The following CSGALNACT1 variants were observed in gnomAD, a reference collection of about 807,000 sequenced individuals.
CSGALNACT1 encodes chondroitin sulfate N-acetylgalactosaminyltransferase 1.
CSGALNACT1 carries 52 observed loss-of-function variants against 51.0 expected under a neutral mutation model. That is an observed-to-expected ratio of 1.02 (90% confidence interval 0.82 to 1.29). The LOEUF (loss-of-function observed/expected upper bound fraction) is 1.29, where lower values mean the gene tolerates loss of function less well. Ranked by LOEUF, CSGALNACT1 falls within the 50% of genes most tolerant of loss-of-function variation. The pLI is 0.00. For synonymous variants in CSGALNACT1, 341 were observed against 254.4 expected (o/e 1.34, Z -3.24); for missense variants, 935 against 679.2 (o/e 1.38, Z -4.19).
rs183668741 is a variant in CSGALNACT1 at position 19,555,218 on chromosome 8, G to A, written c.-297+35942C>T. 4.4e-3 allele frequency among the ~76,000 whole-genome samples: 663 copies of A among 152,058 alleles called. 4 individuals carry two copies. Among genetic ancestry groups the A allele is most frequent in the African/African-American group, 0.015 (641 of 41,464 alleles). ...CGCGCCATTGCACTCCAGCCTGGGT[G>A]ACAGAGCAAGACTCTGTTTCAAAAA... On this transcript the variant is annotated intron_variant, in intron 3 of 9. Coordinates refer to ENST00000454498, the Ensembl canonical transcript of CSGALNACT1.
intron 3 of CSGALNACT1, among the ~76,000 whole-genome samples, chr8:19,542,102 G>T (rs1293197963): frequency 2.0e-5 from 3 of 152,038 alleles, no homozygotes; most frequent in African/African-American, 7.2e-5. Context: ...AAGAATAAAT[G>T]ACAAGGAATT....
chr8:19,509,224 G>A (rs2077964184), intron 3 of CSGALNACT1, among the ~76,000 whole-genome samples: 1 of 152,166 alleles, frequency 6.6e-6, no homozygotes, highest in Non-Finnish European at 1.5e-5. Context: ...AAGAGGCTGG[G>A]AGTATCTGCT....
intron 5 of CSGALNACT1, among the ~76,000 whole-genome samples, chr8:19,440,341 C>A (rs984429996): frequency 6.6e-6 from 1 of 152,062 alleles, no homozygotes; most frequent in African/African-American, 2.4e-5. Context: ...AAACCGAATT[C>A]AGCAGCACAT....
intron 1 of CSGALNACT1, among the ~76,000 whole-genome samples, chr8:19,625,585 AG>A (rs1479193119): frequency 6.6e-6 from 1 of 152,224 alleles, no homozygotes; most frequent in African/African-American, 2.4e-5. Flanking sequence ...TAGAATATCC[AG>A]GGCTGGAGTA....
chr8:19,755,860 G>C (rs2065339897), intron 1 of CSGALNACT1, among the ~76,000 whole-genome samples: 1 of 152,188 alleles, frequency 6.6e-6, no homozygotes, highest in Admixed American at 6.5e-5. Context: ...AGTACATATG[G>C]TGTGGCAGCT....
At chr8:19,606,588 T>A (rs997832175), upstream of CSGALNACT1, among the ~76,000 whole-genome samples, 13 of 152,216 alleles carry the variant, frequency 8.5e-5, no homozygotes, top group African/African-American at 2.4e-4. Flanking sequence ...TGTTATTTTG[T>A]CAAATGAAAA....
chr8:19,467,006 T>G (rs7819875), intron 4 of CSGALNACT1, among the ~76,000 whole-genome samples: 1 of 151,950 alleles, frequency 6.6e-6, no homozygotes, highest in African/African-American at 2.4e-5. Flanking sequence ...GTTTATGTCA[T>G]AGATGCAGGC....
intron 1 of CSGALNACT1, among the ~76,000 whole-genome samples, chr8:19,669,958 C>CA (rs2154197123): frequency 6.6e-6 from 1 of 152,304 alleles, no homozygotes. Flanking sequence ...ACTCTCCCCT[C>CA]AAAATGCCTC....
chr8:19,566,807 A>T (rs1247573577), intron 3 of CSGALNACT1, among the ~76,000 whole-genome samples: 1 of 152,144 alleles, frequency 6.6e-6, no homozygotes. Flanking sequence ...ACAACAGGCT[A>T]CCCCTCAACG....
At chr8:19,688,178 C>G (rs1245161089) in intron 1 of CSGALNACT1, among the ~76,000 whole-genome samples, 1 of 152,238 alleles carries the variant, frequency 6.6e-6, no homozygotes, top group South Asian at 2.1e-4. Flanking sequence ...GTGGGGCCTT[C>G]TTGAAGCCCT....
At chr8:19,659,556 G>C (rs1387675920) in intron 1 of CSGALNACT1, among the ~76,000 whole-genome samples, 1 of 152,228 alleles carries the variant, frequency 6.6e-6, no homozygotes, top group Non-Finnish European at 1.5e-5. Context: ...TACTGGAAGT[G>C]ACTCTAAAAA....
rs146691728 is a variant in CSGALNACT1, at chr8:19,439,009, T to C, written c.953+821A>G. On this transcript the variant is annotated intron_variant, in intron 6 of 9. Coordinates refer to ENST00000454498, the Ensembl canonical transcript of CSGALNACT1. ...GACTATGTCTGCCCCTGAGTACCAC[T>C]GGCCATACTCAAACCTTCACTTGCA... is the stretch of plus-strand genomic sequence containing the variant. Among the ~76,000 whole-genome samples the C allele has an allele frequency of 5.4e-3, 826 of 152,326 alleles. 4 individuals carry two copies. The highest frequency in any genetic ancestry group is 7.4e-3 in the Non-Finnish European group (502 of 68,026).
chr8:19,613,624 G>C (rs1196555622), intron 1 of CSGALNACT1, among the ~76,000 whole-genome samples: 1 of 152,178 alleles, frequency 6.6e-6, no homozygotes, highest in African/African-American at 2.4e-5. Flanking sequence ...AATAAATTTT[G>C]TTTGTTCCTA....
intron 5 of CSGALNACT1, among the ~76,000 whole-genome samples, chr8:19,447,263 T>C (rs1336558084): frequency 6.6e-6 from 1 of 152,182 alleles, no homozygotes; most frequent in East Asian, 1.9e-4. Context: ...TCTGACAGCT[T>C]TGAACTCACT....
chr8:19,609,942 C>A (rs2051968447), intron 1 of CSGALNACT1, among the ~76,000 whole-genome samples: 1 of 151,940 alleles, frequency 6.6e-6, no homozygotes, highest in Non-Finnish European at 1.5e-5. Flanking sequence ...TGGAAGAGGC[C>A]GGGCACGGTG....
intron 1 of CSGALNACT1, among the ~76,000 whole-genome samples, chr8:19,729,610 G>C (rs2063580009): frequency 6.6e-6 from 1 of 152,188 alleles, no homozygotes; most frequent in Non-Finnish European, 1.5e-5. Flanking sequence ...ACCTCACCAA[G>C]GCCAATTGAA....
chr8:19,430,562 G>A (rs1035196442), intron 6 of CSGALNACT1, among the ~76,000 whole-genome samples: 2 of 152,090 alleles, frequency 1.3e-5, no homozygotes, highest in African/African-American at 4.8e-5. Context: ...TCCATCCATT[G>A]ATCTATATTT....
Position 19,505,926 on chromosome 8 carries a change from T to C in CSGALNACT1, c.-92A>G, listed in dbSNP as rs1487743114. 1.3e-6 allele frequency: 2 copies of C among 1,532,028 alleles called. No homozygotes were observed. Among genetic ancestry groups the C allele is most frequent in the South Asian group, 1.1e-5 (1 of 88,642 alleles). 94.9% of individuals were successfully genotyped at this position (1,532,028 alleles called of 1,614,324 possible). On this transcript the variant is annotated 5_prime_UTR_variant, in exon 4 of 10. An upstream start codon of the reference 5' UTR is lost. Coordinates refer to ENST00000454498, the Ensembl canonical transcript of CSGALNACT1. ...TCCCTGGGCTAGACCACAGGAAGCA[T>C]GCGTTTGGGGCCCCCGGAGCTGCTT...
chr8:19,602,433 C>T (rs1251739323), exon 1 of CSGALNACT1: 2 of 152,530 alleles, frequency 1.3e-5, no homozygotes, highest in East Asian at 1.9e-4. Context: ...GGAGGAACGA[C>T]CGCCTTCCCG....
Sources: gnomAD v4.1 joint callset for allele counts (sites outside exome capture counted in the v4.1 genomes callset) on GRCh38, gnomAD v4.1.1 for gene constraint, MANE v1.5 for transcripts, NCBI Gene and HGNC (gene_info 2026-07-23, HGNC 2026-07-21) for gene names.